PRUNE2: variants seen among roughly 807,000 people sequenced by gnomAD.
PRUNE2 encodes the protein protein prune homolog 2.
A neutral mutation model predicts 252.0 loss-of-function variants in PRUNE2; 164 were observed. The observed-to-expected ratio is 0.65, with a 90% CI of 0.57 to 0.74. The LOEUF is 0.74. Among genes scored for constraint, PRUNE2 ranks in the 30% least tolerant of loss-of-function variants. The pLI is 0.00. For missense variants in PRUNE2, 3,495 were observed against 3,711.0 expected (o/e 0.94, Z 1.51); for synonymous variants, 1,292 against 1,350.2 (o/e 0.96, Z 0.94).
chr9:76,837,441 A>ATAATAAT (rs2059066813), intron 4 of PRUNE2, among the ~76,000 whole-genome samples: 1 of 134,826 alleles, frequency 7.4e-6, no homozygotes, highest in African/African-American at 2.7e-5. Context: ...ACTCTGTCTC[A>ATAATAAT]AATAATAATA....
intron 6 of PRUNE2, among the ~76,000 whole-genome samples, chr9:76,816,418 T>C (rs533390262): frequency 2.6e-5 from 4 of 152,270 alleles, no homozygotes; most frequent in Admixed American, 6.5e-5. Flanking sequence ...CACTCATAGC[T>C]CAATAGGAAC....
intron 11 of PRUNE2, among the ~76,000 whole-genome samples, chr9:76,646,663 A>G (rs1420814716): frequency 6.6e-6 from 1 of 152,030 alleles, no homozygotes. Context: ...CTGGAACTCA[A>G]TTTCCCATCT....
At chr9:76,829,640 G>C (rs996885463) in intron 4 of PRUNE2, among the ~76,000 whole-genome samples, 1 of 152,080 alleles carries the variant, frequency 6.6e-6, no homozygotes, top group Non-Finnish European at 1.5e-5. Flanking sequence ...TTTACTATCT[G>C]GACCTATACC....
chr9:76,903,340 T>G (rs2063291307), intron 1 of PRUNE2, among the ~76,000 whole-genome samples: 1 of 151,270 alleles, frequency 6.6e-6, no homozygotes, highest in Non-Finnish European at 1.5e-5. Flanking sequence ...ATATATATAA[T>G]GCCCACAGAA....
chr9:76,707,616 G>C lies in PRUNE2; in HGVS notation c.4658C>G (p.Ser1553Cys), dbSNP rs1185859889. 1 of 1,613,882 alleles carries C rather than the reference G, an allele frequency of 6.2e-7. No homozygotes were observed. The highest frequency in any genetic ancestry group is 1.7e-5 in the Admixed American group (1 of 60,018). The change falls in exon 8 of 19, where the codon TCT (serine) becomes TGT (cysteine). Residue 1553 changes from serine (S) to cysteine (C), a missense_variant. By Grantham distance (112) the Ser-to-Cys change is moderately radical (BLOSUM62 -1). Transcript: ENST00000376718. ...SSASSPELNDSSVALSSWGQQ... is the reference protein window; with the variant it reads ...SSASSPELNDCSVALSSWGQQ... ...GCCCCAGGAGGACAGTGCAACTGAA[G>C]AGTCATTTAACTCAGGACTTGATGC...
At chr9:76,767,813 T>G (rs1441555174) in intron 6 of PRUNE2, among the ~76,000 whole-genome samples, 2 of 152,192 alleles carry the variant, frequency 1.3e-5, no homozygotes, top group East Asian at 3.9e-4. Context: ...GCTCCTATCT[T>G]CTATCCGAAC....
intron 6 of PRUNE2, among the ~76,000 whole-genome samples, chr9:76,719,836 AG>A (rs2047476470): frequency 6.6e-6 from 1 of 151,392 alleles, no homozygotes; most frequent in Non-Finnish European, 1.5e-5. Flanking sequence ...TTGTAGAGAC[AG>A]GGTCTCACTA....
At chr9:76,696,459 T>A (rs553445404) in intron 9 of PRUNE2, among the ~76,000 whole-genome samples, 4 of 152,258 alleles carry the variant, frequency 2.6e-5, no homozygotes, top group Admixed American at 1.3e-4. Flanking sequence ...TGTTTGTTTG[T>A]TTGTTATCCA....
At chr9:76,891,730 T>A (rs1041994717) in intron 1 of PRUNE2, among the ~76,000 whole-genome samples, 21 of 152,190 alleles carry the variant, frequency 1.4e-4, no homozygotes, top group African/African-American at 5.1e-4. Flanking sequence ...AAACTATCTT[T>A]TGAAAACACA....
At chr9:76,661,768 G>T (rs547330628) in intron 9 of PRUNE2, among the ~76,000 whole-genome samples, 6 of 152,146 alleles carry the variant, frequency 3.9e-5, no homozygotes, top group South Asian at 2.1e-4. Flanking sequence ...TACCTCTCAA[G>T]AATTTATAAA....
At chr9:76,666,286 G>T (rs996643294) in intron 9 of PRUNE2, among the ~76,000 whole-genome samples, 1 of 152,140 alleles carries the variant, frequency 6.6e-6, no homozygotes, top group East Asian at 1.9e-4. Context: ...TTTCCCCGGG[G>T]AAGTTTAGAG....
At chr9:76,679,554 G>C (rs2043195928) in intron 9 of PRUNE2, among the ~76,000 whole-genome samples, 1 of 152,134 alleles carries the variant, frequency 6.6e-6, no homozygotes, top group Non-Finnish European at 1.5e-5. Flanking sequence ...CTATAGGAAG[G>C]CTGAGATAGA....
At chr9:76,722,162 A>G (rs60263333) in intron 6 of PRUNE2, among the ~76,000 whole-genome samples, 5,774 of 151,520 alleles carry the variant, frequency 0.038, 205 homozygotes, top group African/African-American at 0.093. Flanking sequence ...AGGTTCAAAC[A>G]ATTCTCATGC....
chr9:76,841,072 A>C (rs1277032230), intron 4 of PRUNE2, among the ~76,000 whole-genome samples: 1 of 152,028 alleles, frequency 6.6e-6, no homozygotes, highest in East Asian at 1.9e-4. Context: ...ATCAATGCAG[A>C]AGGGGGGTGA....
chr9:76,628,907 C>T (rs554819301), intron 16 of PRUNE2, among the ~76,000 whole-genome samples: 42 of 151,592 alleles, frequency 2.8e-4, no homozygotes, highest in African/African-American at 4.8e-4. Flanking sequence ...TACAGTGGCA[C>T]GATCACAGCT....
At chr9:76,750,504 T>C (rs2050518422) in intron 6 of PRUNE2, among the ~76,000 whole-genome samples, 1 of 152,220 alleles carries the variant, frequency 6.6e-6, no homozygotes, top group African/African-American at 2.4e-5. Flanking sequence ...AGTTTTCCTA[T>C]GCATAGTCAA....
At chr9:76,837,871 A>C (rs895133963) in intron 4 of PRUNE2, among the ~76,000 whole-genome samples, 3 of 149,870 alleles carry the variant, frequency 2.0e-5, no homozygotes, top group Non-Finnish European at 3.0e-5. Context: ...TCCTGGGTTC[A>C]CGCCATTCTC....
intron 6 of PRUNE2, among the ~76,000 whole-genome samples, chr9:76,727,017 A>G (rs2048159076): frequency 6.6e-6 from 1 of 152,228 alleles, no homozygotes; most frequent in African/African-American, 2.4e-5. Context: ...AACAGATAAA[A>G]AGTAATAACT....
At chr9:76,713,508 G>A in intron 7 of PRUNE2, 55 bp downstream of exon 7, 1 of 1,482,280 alleles carries the variant, frequency 6.7e-7, no homozygotes, top group Non-Finnish European at 9.1e-7. Flanking sequence ...TGTGTGTTCT[G>A]AGAGCCAGCA....
Sources: gnomAD v4.1 joint callset for allele counts (sites outside exome capture counted in the v4.1 genomes callset) on GRCh38, gnomAD v4.1.1 for gene constraint, MANE v1.5 for transcripts, NCBI Gene and HGNC (gene_info 2026-07-23, HGNC 2026-07-21) for gene names.